Variants in RYR2 observed in about 807,000 individuals in gnomAD.
The protein encoded by RYR2 is cardiac muscle ryanodine receptor-calcium release channel.
RYR2 carries 227 observed loss-of-function variants against 601.1 expected under a neutral mutation model. That is an observed-to-expected ratio of 0.38 (90% CI 0.34 to 0.42). RYR2 has a LOEUF of 0.42. RYR2 is among the 10% of genes least tolerant of loss of function. The pLI is 1.00. For synonymous variants in RYR2, 2,223 were observed against 2,175.1 expected (o/e 1.02, Z -0.61); for missense variants, 4,646 against 6,156.5 (o/e 0.75, Z 8.21).
At chr1:237,792,382 C>CGTGTGTGTGTGCGTGT (rs1658527385) in intron 94 of RYR2, 59 bp downstream of exon 94, 1 of 638,760 alleles carries the variant, frequency 1.6e-6, no homozygotes, top group Admixed American at 3.5e-5. Flanking sequence ...TGTGTGTGTG[C>CGTGTGTGTGTGCGTGT]GTGTGTGTGT....
Position 237,631,454 on chromosome 1 carries a change from C to G in RYR2, c.6468C>G (p.Tyr2156Ter). 1 of 1,613,314 alleles carries G rather than the reference C, an allele frequency of 6.2e-7. No homozygotes were observed. The highest frequency in any genetic ancestry group is 8.5e-7 in the Non-Finnish European group (1 of 1,179,620). ...LGDIMNNKVF[Y>*]QHPNLMRALG... ...ATATTATGAATAACAAAGTGTTTTA[C>G]CAGCACCCTAATCTCATGAGGGCAC... Residue 2156 changes from tyrosine to a stop codon, truncating the protein, a stop_gained, in exon 42 of 105, where the codon TAC becomes TAG. Coordinates refer to ENST00000366574, the MANE Select transcript of RYR2 (RefSeq NM_001035.3). LOFTEE classifies it high-confidence loss of function.
At chr1:237,287,924 G>A (rs773942592) in intron 2 of RYR2, among the ~76,000 whole-genome samples, 2 of 152,114 alleles carry the variant, frequency 1.3e-5, no homozygotes, top group East Asian at 1.9e-4. Context: ...TTCTGGTTCC[G>A]TCTCATTTGG....
At chr1:237,132,226 C>T (rs535788761) in intron 1 of RYR2, among the ~76,000 whole-genome samples, 5 of 152,278 alleles carry the variant, frequency 3.3e-5, no homozygotes, top group East Asian at 1.9e-4. Context: ...TAATCTATAG[C>T]GGGGCCTGTG....
chr1:237,194,297 G>A (rs531025370), intron 1 of RYR2, among the ~76,000 whole-genome samples: 5 of 152,168 alleles, frequency 3.3e-5, no homozygotes, highest in East Asian at 3.9e-4. Flanking sequence ...TTTGGCTGTC[G>A]CAGTTCTATC....
intron 2 of RYR2, among the ~76,000 whole-genome samples, chr1:237,278,382 T>C (rs567480989): frequency 6.6e-6 from 1 of 150,722 alleles, no homozygotes; most frequent in East Asian, 2.0e-4. Flanking sequence ...TCAGCCACCG[T>C]ACCTGCCTGG....
chr1:237,674,971 T>A (rs1048988400), intron 60 of RYR2, 125 bp downstream of exon 60: 2 of 482,362 alleles, frequency 4.1e-6, no homozygotes, highest in Non-Finnish European at 7.4e-6. Flanking sequence ...CTATTCATCC[T>A]ACTACTAAGT....
chr1:237,492,804 A>G, intron 18 of RYR2, 150 bp from the exon 19 acceptor site: 1 of 870,538 alleles, frequency 1.1e-6, no homozygotes. Context: ...AGCCTGGGTG[A>G]CAGAGTGAGA....
At chr1:237,066,991 T>C (rs1022293407) in intron 1 of RYR2, among the ~76,000 whole-genome samples, 3 of 152,220 alleles carry the variant, frequency 2.0e-5, no homozygotes, top group African/African-American at 7.2e-5. Context: ...ATCTTCTAAA[T>C]GGACTTTATA....
intron 90 of RYR2, 69 bp from the exon 91 acceptor site, chr1:237,785,900 A>T: frequency 9.2e-7 from 1 of 1,081,496 alleles, no homozygotes; most frequent in Non-Finnish European, 1.4e-6. Context: ...ACATGGTCAC[A>T]TGGCTCCCTC....
intron 56 of RYR2, among the ~76,000 whole-genome samples, chr1:237,664,634 A>G (rs1684127062): frequency 6.6e-6 from 1 of 152,182 alleles, no homozygotes; most frequent in Admixed American, 6.5e-5. Context: ...TGATTCAGTT[A>G]TCTCCCACTG....
At chr1:237,240,643 G>T (rs1686044964) in intron 1 of RYR2, among the ~76,000 whole-genome samples, 1 of 18,470 alleles carries the variant, frequency 5.4e-5, no homozygotes, top group African/African-American at 7.4e-5. Context: ...GTCAAGTGTT[G>T]TATTGCCCCC....
intron 80 of RYR2, among the ~76,000 whole-genome samples, chr1:237,749,124 T>C (rs979000657): frequency 6.6e-6 from 1 of 152,232 alleles, no homozygotes; most frequent in Admixed American, 6.5e-5. Context: ...GCACTTTTCA[T>C]GTGCACAGTA....
chr1:237,569,160 C>A lies in RYR2; in HGVS notation c.3439C>A (p.Gln1147Lys). 1 of 1,613,526 alleles carries A rather than the reference C, an allele frequency of 6.2e-7. No homozygotes were observed. The highest frequency in any genetic ancestry group is 8.5e-7 in the Non-Finnish European group (1 of 1,179,692). ...FDGFKAQRWH[Q>K]GNEHYGRSWQ... ...CTCTGTATAGGCCCAGCGGTGGCAT[C>A]AGGGCAATGAACACTATGGGCGCTC... The change falls in exon 29 of 105, where the codon CAG becomes AAG. Residue 1147 changes from glutamine (Q) to lysine (K), a missense_variant. By Grantham distance (53) the Gln-to-Lys change is moderately conservative. This residue lies in a region of RYR2 where 1,807 missense variants were observed against 2,088.1 expected (regional missense o/e 0.87). Transcript: ENST00000366574.
intron 1 of RYR2, among the ~76,000 whole-genome samples, chr1:237,178,825 A>G (rs1245298554): frequency 2.6e-5 from 4 of 152,198 alleles, no homozygotes; most frequent in Non-Finnish European, 4.4e-5. Flanking sequence ...TAAAGTGTCA[A>G]AGTTTTGCTT....
intron 2 of RYR2, among the ~76,000 whole-genome samples, chr1:237,322,628 T>A (rs2149530519): frequency 6.6e-6 from 1 of 152,290 alleles, no homozygotes; most frequent in South Asian, 2.1e-4. Context: ...GAAGGCTCTA[T>A]CAAGTGTGTT....
chr1:237,171,271 T>A (rs1421806279), intron 1 of RYR2, among the ~76,000 whole-genome samples: 2 of 151,322 alleles, frequency 1.3e-5, no homozygotes, highest in African/African-American at 4.9e-5. Context: ...TAAAAAAAAA[T>A]ATTTAAAGTA....
chr1:237,259,717 G>A (rs188200707), intron 1 of RYR2, among the ~76,000 whole-genome samples: 3 of 152,186 alleles, frequency 2.0e-5, no homozygotes, highest in Admixed American at 1.3e-4. Flanking sequence ...CACATGGGGG[G>A]AATTCGTTCT....
intron 35 of RYR2, among the ~76,000 whole-genome samples, chr1:237,609,240 C>T (rs1184761052): frequency 5.4e-5 from 7 of 129,510 alleles, no homozygotes; most frequent in African/African-American, 1.8e-4. Context: ...CTGACAGTCT[C>T]ACTCTGTCAC....
intron 60 of RYR2, among the ~76,000 whole-genome samples, chr1:237,675,888 T>C (rs1342172162): frequency 6.6e-6 from 1 of 152,198 alleles, no homozygotes; most frequent in African/African-American, 2.4e-5. Flanking sequence ...ACTATATTAT[T>C]GCTCTCTTTG....
Sources: gnomAD v4.1 joint callset for allele counts (sites outside exome capture counted in the v4.1 genomes callset) on GRCh38, gnomAD v4.1.1 for gene constraint, gnomAD v4.1.1 regional missense constraint, MANE v1.5 for transcripts, NCBI Gene and HGNC (gene_info 2026-07-23, HGNC 2026-07-21) for gene names.